ZNF670: variants seen among roughly 807,000 people sequenced by gnomAD.
ZNF670 encodes the protein zinc finger protein 670.
ZNF670 carries 7 observed loss-of-function variants against 10.9 expected under a neutral mutation model. That is an observed-to-expected ratio of 0.64 (90% CI 0.36 to 1.20). The LOEUF (loss-of-function observed/expected upper bound fraction) is 1.20. Among genes scored for constraint, ZNF670 ranks in the 50% most tolerant of loss-of-function variants. The probability of loss-of-function intolerance (pLI) is 0.02; values close to 1 mark genes in which losing one functional copy is unlikely to be tolerated. For synonymous variants in ZNF670, 136 were observed against 152.7 expected (o/e 0.89, Z 0.81); for missense variants, 446 against 458.6 (o/e 0.97, Z 0.25).
rs544074724 is a variant in ZNF670 at position 247,039,962 on chromosome 1, T to C, written c.4-425A>G. Among the ~76,000 whole-genome samples the C allele has an allele frequency of 2.6e-4, 39 of 152,306 alleles. No homozygotes were observed. In the South Asian group the frequency reaches 6.8e-3, roughly 27 times the overall value. Reference sequence around the variant, plus strand: ...AGTCTGACCTTTTGGTGTGAGAAAATAGATTTTTTTGACGGATCTCATCAC... The same window carrying C: ...AGTCTGACCTTTTGGTGTGAGAAAACAGATTTTTTTGACGGATCTCATCAC... On this transcript the variant is annotated intron_variant, in intron 1 of 3. Transcript: ENST00000366503.
intron 1 of ZNF670, chr1:247,043,113 T>G: frequency 9.5e-7 from 1 of 1,053,952 alleles, no homozygotes; most frequent in South Asian, 1.3e-5. Context: ...AACTGGTGTT[T>G]GACACTGACA....
chr1:247,072,024 AT>A (rs1447203131), intron 1 of ZNF670, among the ~76,000 whole-genome samples: 2 of 151,280 alleles, frequency 1.3e-5, no homozygotes. Flanking sequence ...CGCCTGGCTA[AT>A]TTTTTGTATT....
chr1:247,054,766 A>T (rs1670677818), intron 1 of ZNF670, among the ~76,000 whole-genome samples: 1 of 152,200 alleles, frequency 6.6e-6, no homozygotes, highest in Non-Finnish European at 1.5e-5. Context: ...CCTGTTTGAG[A>T]AAAGCAGAGT....
intron 1 of ZNF670, among the ~76,000 whole-genome samples, chr1:247,063,843 G>A (rs186306717): frequency 6.6e-6 from 1 of 152,318 alleles, no homozygotes; most frequent in East Asian, 1.9e-4. Flanking sequence ...ATCTGAGGGA[G>A]ACATGGGGCT....
chr1:247,043,253 T>C, intron 1 of ZNF670: 1 of 672,032 alleles, frequency 1.5e-6, no homozygotes, highest in Non-Finnish European at 2.8e-6. Flanking sequence ...TTAAGCATTG[T>C]CTCTGGGTAT....
intron 1 of ZNF670, among the ~76,000 whole-genome samples, 187 bp downstream of exon 1, chr1:247,078,407 G>T (rs1315091345): frequency 2.0e-5 from 3 of 152,210 alleles, no homozygotes; most frequent in African/African-American, 7.2e-5. Flanking sequence ...TGGCCGAAGC[G>T]GCGGGGCAGG....
chr1:247,050,056 A>T (rs1670555144), intron 1 of ZNF670, among the ~76,000 whole-genome samples: 1 of 152,230 alleles, frequency 6.6e-6, no homozygotes, highest in South Asian at 2.1e-4. Context: ...TCTATGATAT[A>T]GTCAAGACCA....
rs1244978708 is a variant in ZNF670, at chr1:247,072,832, ATATATATG to A, written c.3+5754_3+5761del. Among the ~76,000 whole-genome samples, 73 of 105,656 alleles carry A rather than the reference ATATATATG, an allele frequency of 6.9e-4. 4 individuals are homozygous for A. Among genetic ancestry groups the A allele is most frequent in the South Asian group, 6.8e-3 (19 of 2,798 alleles). The allele number at this position is 105,656 out of a possible 152,430, so 69.3% of individuals were successfully genotyped here. ...TATATATATATATATATATATATATATATATATGCATACACACACATACACACACACAC... is the reference window on the plus strand; with the variant it reads ...TATATATATATATATATATATATATACATACACACACATACACACACACAC... On this transcript the variant is annotated intron_variant, in intron 1 of 3. Coordinates refer to ENST00000366503, the MANE Select transcript of ZNF670 (RefSeq NM_033213.5).
At chr1:247,050,663 ATGAGGT>A (rs1003200614) in intron 1 of ZNF670, among the ~76,000 whole-genome samples, 1 of 151,964 alleles carries the variant, frequency 6.6e-6, no homozygotes, top group Non-Finnish European at 1.5e-5. Context: ...TTTAGCAGAG[ATGAGGT>A]TTCACCATAT....
At chr1:247,046,063 G>A (rs1026719593) in intron 1 of ZNF670, among the ~76,000 whole-genome samples, 1 of 152,154 alleles carries the variant, frequency 6.6e-6, no homozygotes, top group African/African-American at 2.4e-5. Context: ...GGATTCAAGA[G>A]GTGGTATGGT....
At chr1:247,048,399 A>G (rs1415001591) in intron 1 of ZNF670, among the ~76,000 whole-genome samples, 1 of 152,180 alleles carries the variant, frequency 6.6e-6, no homozygotes, top group African/African-American at 2.4e-5. Flanking sequence ...GCCTGGACTT[A>G]ACTGTCTATA....
chr1:247,068,107 CAGG>C (rs1391411917), intron 1 of ZNF670, among the ~76,000 whole-genome samples: 1 of 150,312 alleles, frequency 6.7e-6, no homozygotes, highest in Non-Finnish European at 1.5e-5. Context: ...CACTTGAGCT[CAGG>C]AGTTTGAGAC....
At chr1:247,072,797 A>AAATAT (rs1354570608) in intron 1 of ZNF670, among the ~76,000 whole-genome samples, 1 of 81,180 alleles carries the variant, frequency 1.2e-5, no homozygotes, top group African/African-American at 4.2e-5. Flanking sequence ...CAAAAAAAAA[A>AAATAT]GTGTGTGTAT....
chr1:247,037,409 ACTT>A lies in ZNF670; in HGVS notation c.*37_*39del. On this transcript the variant is annotated 3_prime_UTR_variant, in exon 4 of 4. Transcript: ENST00000366503. ...CTAGAATAACTGAAAGCTTTAACAC[ACTT>A]CTTACATTGACAGAGGTGTTTTGTT... 6.5e-7 allele frequency: 1 copy of A among 1,539,522 alleles called. No individual in the cohort carries two copies. Among genetic ancestry groups the A allele is most frequent in the Non-Finnish European group, 8.7e-7 (1 of 1,148,526 alleles).
At chr1:247,067,065 A>G (rs1670996681) in intron 1 of ZNF670, among the ~76,000 whole-genome samples, 1 of 152,204 alleles carries the variant, frequency 6.6e-6, no homozygotes, top group African/African-American at 2.4e-5. Context: ...CCACAGGTAC[A>G]TGTCATCAAG....
chr1:247,053,743 C>T (rs1038167505), intron 1 of ZNF670, among the ~76,000 whole-genome samples: 19 of 152,088 alleles, frequency 1.2e-4, no homozygotes, highest in African/African-American at 4.6e-4. Context: ...AATTTAAAAA[C>T]AAAACAAACA....
chr1:247,076,251 T>C (rs56386875), intron 1 of ZNF670, among the ~76,000 whole-genome samples: 37,180 of 151,284 alleles, frequency 0.25, 5,299 homozygotes, highest in African/African-American at 0.38. Flanking sequence ...CCCCACTGTG[T>C]GCTTGAATTT....
chr1:247,053,656 A>AT (rs1558341434), intron 1 of ZNF670, among the ~76,000 whole-genome samples: 18 of 151,392 alleles, frequency 1.2e-4, no homozygotes, highest in African/African-American at 4.4e-4. Context: ...AAACAAACAA[A>AT]CAAACAAAAA....
chr1:247,042,833 T>C (rs1230453389), intron 1 of ZNF670: 7 of 550,428 alleles, frequency 1.3e-5, no homozygotes, highest in Middle Eastern at 3.8e-4. Flanking sequence ...GCTACTGAAA[T>C]GTTATTACCA....
Sources: gnomAD v4.1 joint callset for allele counts (sites outside exome capture counted in the v4.1 genomes callset) on GRCh38, gnomAD v4.1.1 for gene constraint, MANE v1.5 for transcripts, NCBI Gene and HGNC (gene_info 2026-07-23, HGNC 2026-07-21) for gene names.